The following CPNE8 variants were observed in gnomAD, a reference collection of about 807,000 sequenced individuals.
The protein encoded by CPNE8 is copine 8, also known as copine-8.
In CPNE8, 45 loss-of-function variants were observed where a neutral mutation model predicts 81.5. The ratio of observed to expected loss-of-function variants is 0.55; its 90% CI spans 0.44 to 0.71. The LOEUF is 0.71. Ranked by LOEUF, CPNE8 falls within the 30% of genes least tolerant of loss-of-function variation. The pLI is 0.00. For synonymous variants in CPNE8, 252 were observed against 226.3 expected (o/e 1.11, Z -1.02); for missense variants, 594 against 672.1 (o/e 0.88, Z 1.28).
At chr12:38,797,134 A>C (rs1159467973) in intron 6 of CPNE8, among the ~76,000 whole-genome samples, 2 of 152,172 alleles carry the variant, frequency 1.3e-5, no homozygotes, top group African/African-American at 4.8e-5. Flanking sequence ...AGACAAACAA[A>C]AAGACAGCAG....
intron 6 of CPNE8, among the ~76,000 whole-genome samples, chr12:38,786,550 C>A (rs1359475953): frequency 6.6e-6 from 1 of 152,096 alleles, no homozygotes; most frequent in Non-Finnish European, 1.5e-5. Flanking sequence ...TGATCCTCAG[C>A]CTGCAGATGG....
chr12:38,802,985 T>A (rs920681946), intron 6 of CPNE8, among the ~76,000 whole-genome samples: 176 of 138,490 alleles, frequency 1.3e-3, no homozygotes, highest in Non-Finnish European at 2.4e-3. Flanking sequence ...AATAGACCAA[T>A]AACAGGCTCT....
intron 15 of CPNE8, 137 bp downstream of exon 15, chr12:38,693,520 A>C: frequency 1.4e-6 from 1 of 696,774 alleles, no homozygotes; most frequent in Non-Finnish European, 2.3e-6. Flanking sequence ...TCACACTCCA[A>C]AGTCAATTAC....
At chr12:38,888,705 C>T (rs962125220) in intron 1 of CPNE8, among the ~76,000 whole-genome samples, 2 of 152,136 alleles carry the variant, frequency 1.3e-5, no homozygotes. Context: ...CCAAAACCAA[C>T]AAAACAACAA....
At position 38,902,294 on chromosome 12, in the gene CPNE8, G is replaced by A. The variant is rs549785386; in HGVS notation, c.98+3143C>T. On this transcript the variant is annotated intron_variant, in intron 1 of 19. Transcript: ENST00000331366. Reference sequence around the variant, plus strand: ...AAAAAGAAAAGAAAGAAGGAAGGAAGGAAAGGAAGGAAGGAAGGAAGGAAA... The same window carrying A: ...AAAAAGAAAAGAAAGAAGGAAGGAAAGAAAGGAAGGAAGGAAGGAAGGAAA... 1.3e-4 allele frequency among the ~76,000 whole-genome samples: 12 copies of A among 89,818 alleles called. No individual in the cohort carries two copies. The South Asian group carries it at 2.7e-3, about 20-fold the overall frequency. 58.9% of individuals were successfully genotyped at this position (89,818 alleles called of 152,430 possible). A position where few individuals can be genotyped will look rare whatever the true frequency, so the allele number is the denominator to read the frequency against.
At chr12:38,792,953 C>T (rs1942360202) in intron 6 of CPNE8, among the ~76,000 whole-genome samples, 1 of 151,874 alleles carries the variant, frequency 6.6e-6, no homozygotes, top group African/African-American at 2.4e-5. Flanking sequence ...CAATGTAATA[C>T]ACCACATTAA....
At chr12:38,739,213 G>A (rs1941031360) in intron 10 of CPNE8, among the ~76,000 whole-genome samples, 1 of 152,118 alleles carries the variant, frequency 6.6e-6, no homozygotes, top group Non-Finnish European at 1.5e-5. Flanking sequence ...GTTACTTTAT[G>A]AAAATGGTTT....
chr12:38,763,274 G>A (rs530357107), intron 8 of CPNE8, among the ~76,000 whole-genome samples: 7 of 152,314 alleles, frequency 4.6e-5, no homozygotes, highest in African/African-American at 1.7e-4. Context: ...CAGAGTAAAT[G>A]GGTTGATGTG....
chr12:38,847,351 T>C (rs1283784186), intron 4 of CPNE8, among the ~76,000 whole-genome samples: 4 of 151,922 alleles, frequency 2.6e-5, no homozygotes, highest in Non-Finnish European at 4.4e-5. Context: ...TAAAAGAAAA[T>C]TCTTAAAAAG....
chr12:38,902,368 GAAAGAAAGAAAGA>G (rs1944491916), intron 1 of CPNE8, among the ~76,000 whole-genome samples: 3 of 66,774 alleles, frequency 4.5e-5, no homozygotes, highest in African/African-American at 1.7e-4. Context: ...AAGAAAGAAA[GAAAGAAAGAAAGA>G]AAAGAAAGAA....
intron 5 of CPNE8, among the ~76,000 whole-genome samples, chr12:38,838,888 C>T (rs1943425660): frequency 6.6e-6 from 1 of 152,088 alleles, no homozygotes; most frequent in African/African-American, 2.4e-5. Flanking sequence ...TTTCCTAGCT[C>T]GTAATCCCCC....
chr12:38,743,153 A>C (rs1394635597), intron 10 of CPNE8, among the ~76,000 whole-genome samples: 1 of 152,124 alleles, frequency 6.6e-6, no homozygotes, highest in Non-Finnish European at 1.5e-5. Flanking sequence ...TTATATCAAA[A>C]AAGCAAACCC....
chr12:38,788,735 A>G lies in CPNE8; in HGVS notation c.408-12434T>C, dbSNP rs1942256682. On this transcript the variant is annotated intron_variant, in intron 6 of 19. Transcript: ENST00000331366. ...AAAACCTGAAGATGCCACACAAAAA[A>G]ACTATTAGAATTGATAATTCAGTAA... is the stretch of plus-strand genomic sequence containing the variant. Among the ~76,000 whole-genome samples, 4 of 151,784 alleles carry G rather than the reference A, an allele frequency of 2.6e-5. No homozygotes were observed. The South Asian group carries it at 8.3e-4, about 31-fold the overall frequency.
At chr12:38,671,865 G>T (rs1339328556) in intron 18 of CPNE8, among the ~76,000 whole-genome samples, 1 of 151,990 alleles carries the variant, frequency 6.6e-6, no homozygotes, top group East Asian at 1.9e-4. Flanking sequence ...TTAACAGAGA[G>T]CTACTGTTCA....
chr12:38,657,517 G>A (rs1311451062), intron 19 of CPNE8, among the ~76,000 whole-genome samples: 1 of 151,998 alleles, frequency 6.6e-6, no homozygotes, highest in Non-Finnish European at 1.5e-5. Flanking sequence ...GCCCTGGAGA[G>A]AGCAGTGGTT....
At chr12:38,793,784 G>C (rs1232050119) in intron 6 of CPNE8, among the ~76,000 whole-genome samples, 10 of 152,058 alleles carry the variant, frequency 6.6e-5, no homozygotes, top group Middle Eastern at 6.8e-3. Context: ...TGAAACAGTA[G>C]AATGAAATTA....
At chr12:38,666,652 T>C (rs1939061930) in intron 19 of CPNE8, among the ~76,000 whole-genome samples, 1 of 152,108 alleles carries the variant, frequency 6.6e-6, no homozygotes, top group African/African-American at 2.4e-5. Context: ...GGGAAGTTAG[T>C]TTATTAAGAT....
Position 38,683,872 on chromosome 12 carries a change from G to C in CPNE8, c.1271+1618C>G, listed in dbSNP as rs145210509. 3.3e-3 allele frequency among the ~76,000 whole-genome samples: 502 copies of C among 152,094 alleles called. 1 individual carries two copies. Among genetic ancestry groups the C allele is most frequent in the Non-Finnish European group, 5.0e-3 (340 of 67,944 alleles). On this transcript the variant is annotated intron_variant, in intron 16 of 19. Transcript: ENST00000331366. ...ATATTCAAGAACTTACAAAATGATA[G>C]ATAAAACAAAAAATCGCAATAGAAC...
At position 38,784,203 on chromosome 12, in the gene CPNE8, C is replaced by A. The variant is rs12319976; in HGVS notation, c.408-7902G>T. Among the ~76,000 whole-genome samples the A allele has an allele frequency of 5.3e-3, 808 of 152,142 alleles. 8 individuals carry two copies. Among genetic ancestry groups the A allele is most frequent in the African/African-American group, 0.019 (778 of 41,520 alleles). On this transcript the variant is annotated intron_variant, in intron 6 of 19. Transcript: ENST00000331366. ...AAAGCATCAAACAAAAATTCTGGAG[C>A]TAAAAATACAATTGGCATACTGAAG...
Sources: allele counts gnomAD v4.1 joint callset (sites outside exome capture counted in the v4.1 genomes callset), GRCh38; gene constraint gnomAD v4.1.1; transcripts MANE v1.5; gene names NCBI Gene and HGNC (gene_info 2026-07-23, HGNC 2026-07-21).